CSTF3: variants seen among roughly 807,000 people sequenced by gnomAD.
CSTF3 encodes the protein cleavage stimulation factor subunit 3, also known as CF-1 77 kDa subunit.
CSTF3 carries 29 observed loss-of-function variants against 105.8 expected under a neutral mutation model. The observed-to-expected ratio is 0.27, with a 90% CI of 0.20 to 0.37. CSTF3 has a LOEUF of 0.37. Among genes scored for constraint, CSTF3 ranks in the 10% least tolerant of loss-of-function variants. CSTF3 has a pLI of 1.00. For synonymous variants in CSTF3, 252 were observed against 281.9 expected, an observed-to-expected ratio of 0.89 and a Z score of 1.06; for missense variants, 357 against 879.3, an observed-to-expected ratio of 0.41 and a Z score of 7.51.
intron 3 of CSTF3, among the ~76,000 whole-genome samples, chr11:33,109,332 C>T (rs948737280): frequency 6.6e-6 from 1 of 152,114 alleles, no homozygotes; most frequent in Non-Finnish European, 1.5e-5. Flanking sequence ...TCAAGTAGTA[C>T]AGTAATAGAG....
At chr11:33,122,805 A>C (rs1855503936) in intron 3 of CSTF3, among the ~76,000 whole-genome samples, 1 of 151,288 alleles carries the variant, frequency 6.6e-6, no homozygotes. Context: ...AGTCCCAGCT[A>C]CTTGAGGGGC....
At chr11:33,094,526 C>T (rs1007653986) in intron 15 of CSTF3, among the ~76,000 whole-genome samples, 1 of 151,984 alleles carries the variant, frequency 6.6e-6, no homozygotes, top group Admixed American at 6.6e-5. Context: ...TTTTGGAAGA[C>T]AATAGTGCTA....
At chr11:33,148,388 T>A (rs1464194786) in intron 1 of CSTF3, among the ~76,000 whole-genome samples, 1 of 152,198 alleles carries the variant, frequency 6.6e-6, no homozygotes, top group Non-Finnish European at 1.5e-5. Flanking sequence ...TTCTAACGTA[T>A]AGCAGTCCTA....
In CSTF3 at chr11:33,125,820, A is replaced by G. The variant is rs944001318; in HGVS notation, c.225+15847T>C. ...TTTGGCAGTTGCTTTCAGGGCCAAA[A>G]CAGTTTAGGCATTCTGCTTATCTCC... On this transcript the variant is annotated intron_variant, in intron 3 of 20. Transcript: ENST00000323959. Among the ~76,000 whole-genome samples the G allele has an allele frequency of 3.9e-5, 6 of 152,158 alleles. No individual in the cohort carries two copies. The South Asian group carries it at 1.2e-3, about 31-fold the overall frequency.
chr11:33,149,924 CAGG>C (rs1472635232), intron 1 of CSTF3, among the ~76,000 whole-genome samples: 1 of 152,240 alleles, frequency 6.6e-6, no homozygotes, highest in East Asian at 1.9e-4. Context: ...GAGGCTGAGG[CAGG>C]AGAATTGCTT....
At chr11:33,138,595 A>T (rs2133797051) in intron 3 of CSTF3, among the ~76,000 whole-genome samples, 1 of 151,948 alleles carries the variant, frequency 6.6e-6, no homozygotes, top group African/African-American at 2.4e-5. Flanking sequence ...AGCTGGAGAC[A>T]TATTTAAATG....
intron 1 of CSTF3, among the ~76,000 whole-genome samples, chr11:33,154,491 CTTTTTT>C (rs34462847): frequency 8.2e-5 from 5 of 60,892 alleles, no homozygotes; most frequent in African/African-American, 1.1e-4. Flanking sequence ...GTAAGACTTT[CTTTTTT>C]TTTTTTTTTT....
intron 9 of CSTF3, among the ~76,000 whole-genome samples, chr11:33,102,579 G>A (rs929044991): frequency 2.6e-5 from 4 of 152,174 alleles, no homozygotes; most frequent in African/African-American, 9.6e-5. Flanking sequence ...AAGTGATCTA[G>A]GAGGTTACTT....
intron 15 of CSTF3, among the ~76,000 whole-genome samples, chr11:33,092,810 T>C (rs1195444587): frequency 6.6e-6 from 1 of 152,232 alleles, no homozygotes; most frequent in African/African-American, 2.4e-5. Context: ...TATATTTAGC[T>C]ACTTTAACTC....
chr11:33,092,413 C>T (rs1377856040), intron 15 of CSTF3, 73 bp from the exon 16 acceptor site: 13 of 918,408 alleles, frequency 1.4e-5, no homozygotes, highest in Non-Finnish European at 1.9e-5. Context: ...TATGCATTAT[C>T]TCACTTCATC....
At chr11:33,085,665 A>C in intron 20 of CSTF3, 48 bp downstream of exon 20, 1 of 1,487,568 alleles carries the variant, frequency 6.7e-7, no homozygotes, top group Non-Finnish European at 9.4e-7. Flanking sequence ...ACTGCCTATG[A>C]GACAACAACG....
At position 33,099,457 on chromosome 11, in the gene CSTF3, TTA is replaced by T. The variant is rs1855257765; in HGVS notation, c.936+149_936+150del. 2 of 640,524 alleles carry T rather than the reference TTA, an allele frequency of 3.1e-6. No homozygotes were observed. Among genetic ancestry groups the T allele is most frequent in the Non-Finnish European group, 5.3e-6 (2 of 376,342 alleles). The allele number at this position is 640,524 out of a possible 1,614,324, so 39.7% of individuals were successfully genotyped here. A position where few individuals can be genotyped will look rare whatever the true frequency, so the allele number is the denominator to read the frequency against. ...TTATTTTAATTCTAAGGAGGTCTAA[TTA>T]TATGAGTGTCACTAAGATTCATATG... On this transcript the variant is annotated intron_variant, in intron 11 of 20. Transcript: ENST00000323959. This position sits in a 1 kb window ranked among gnomAD's most constrained non-coding sequence, Gnocchi z 4.1.
At chr11:33,154,356 G>C (rs1849829775) in intron 1 of CSTF3, among the ~76,000 whole-genome samples, 1 of 151,938 alleles carries the variant, frequency 6.6e-6, no homozygotes, top group African/African-American at 2.4e-5. Flanking sequence ...CAACAAACCT[G>C]TCATTCCAAG....
chr11:33,104,214 G>A (rs970416671), intron 8 of CSTF3, among the ~76,000 whole-genome samples: 2 of 152,186 alleles, frequency 1.3e-5, no homozygotes, highest in African/African-American at 4.8e-5. Context: ...TTACCACTCA[G>A]TGAGTACTCC....
chr11:33,097,854 T>A (rs1287074955), intron 13 of CSTF3, among the ~76,000 whole-genome samples: 2 of 152,158 alleles, frequency 1.3e-5, no homozygotes, highest in African/African-American at 4.8e-5. Flanking sequence ...ATTAGTAGGG[T>A]CCTGGTTTGC....
intron 17 of CSTF3, among the ~76,000 whole-genome samples, chr11:33,087,756 G>A (rs926636662): frequency 6.6e-6 from 1 of 152,228 alleles, no homozygotes; most frequent in South Asian, 2.1e-4. Context: ...AGCTCACAAA[G>A]GTTTTGATAT....
intron 1 of CSTF3, chr11:33,156,663 TAA>T: frequency 2.2e-6 from 1 of 452,376 alleles, no homozygotes; most frequent in South Asian, 1.6e-5. Flanking sequence ...AATTCTAGGA[TAA>T]GTTATACATT....
chr11:33,126,988 A>T (rs1195316448), intron 3 of CSTF3, among the ~76,000 whole-genome samples: 1 of 152,220 alleles, frequency 6.6e-6, no homozygotes. Flanking sequence ...TGAGAAGTTA[A>T]CATTTTTGTA....
intron 1 of CSTF3, among the ~76,000 whole-genome samples, chr11:33,151,949 T>C (rs1224684620): frequency 2.6e-5 from 4 of 152,238 alleles, no homozygotes; most frequent in East Asian, 1.9e-4. Flanking sequence ...GCTATCAAAG[T>C]AGAGCGTCTT....
Sources: allele counts gnomAD v4.1 joint callset (sites outside exome capture counted in the v4.1 genomes callset), GRCh38; gene constraint gnomAD v4.1.1; non-coding constraint Gnocchi (gnomAD v3.1); transcripts MANE v1.5; gene names NCBI Gene and HGNC (gene_info 2026-07-23, HGNC 2026-07-21).